SYMPK: variants seen among roughly 807,000 people sequenced by gnomAD.
SYMPK encodes symplekin scaffold protein.
A neutral mutation model predicts 136.4 loss-of-function variants in SYMPK; 49 were observed. The observed-to-expected ratio is 0.36, with a 90% confidence interval of 0.29 to 0.46. The LOEUF (loss-of-function observed/expected upper bound fraction) is 0.46. SYMPK is among the 20% of genes least tolerant of loss of function. The pLI is 1.00. For synonymous variants in SYMPK, 766 were observed against 713.0 expected, an observed-to-expected ratio of 1.07 and a Z score of -1.19; for missense variants, 1,365 against 1,690.0, an observed-to-expected ratio of 0.81 and a Z score of 3.37.
intron 18 of SYMPK, among the ~76,000 whole-genome samples, chr19:45,824,723 A>C (rs8109700): frequency 0.86 from 130,443 of 152,158 alleles, 55,999 homozygotes; most frequent in East Asian, 0.9. Flanking sequence ...ATGTGGGCAG[A>C]CCTGTGCCTC....
In SYMPK at chr19:45,815,628, C is replaced by T; in HGVS notation, c.3757G>A (p.Asp1253Asn). ...SPQTLAPVGEDAMKTPSPAAE... is the reference protein window; with the variant it reads ...SPQTLAPVGENAMKTPSPAAE... The stretch of plus-strand genomic sequence containing the variant: ...GCCGGGCTGGGAGTCTTCATAGCAT[C>T]TTCTCCAACAGGTGCGAGGGTCTGG... The change falls in exon 27 of 27, where the codon GAT (aspartate) becomes AAT (asparagine). Residue 1253 changes from aspartate to asparagine, a missense_variant. Asp to Asn is a conservative substitution (Grantham distance 23, BLOSUM62 1). This residue lies in a region of SYMPK where 341 missense variants were observed against 270.5 expected (regional missense o/e 1.26). Coordinates refer to ENST00000245934, the MANE Select transcript of SYMPK (RefSeq NM_004819.3). 4 of 1,608,178 alleles carry T rather than the reference C, an allele frequency of 2.5e-6. No homozygotes were observed. The highest frequency in any genetic ancestry group is 3.4e-6 in the Non-Finnish European group (4 of 1,177,976).
chr19:45,858,579 G>C (rs1971888102), intron 1 of SYMPK, among the ~76,000 whole-genome samples: 5 of 151,856 alleles, frequency 3.3e-5, no homozygotes, highest in Admixed American at 3.3e-4. Context: ...GCAATGGCGT[G>C]ATCTCAGCTC....
chr19:45,860,600 G>A (rs965855459), intron 1 of SYMPK, among the ~76,000 whole-genome samples: 2 of 152,004 alleles, frequency 1.3e-5, no homozygotes, highest in African/African-American at 4.8e-5. Flanking sequence ...AGGTTTAAAT[G>A]AATTAATATG....
In SYMPK at chr19:45,863,134, A is replaced by G. The variant is rs1972016439; in HGVS notation, c.-89T>C. 3 of 405,822 alleles carry G rather than the reference A, an allele frequency of 7.4e-6. No homozygotes were observed. Among genetic ancestry groups the G allele is most frequent in the East Asian group, 7.1e-5 (2 of 28,276 alleles). The allele number at this position is 405,822 out of a possible 1,614,324, so 25.1% of individuals were successfully genotyped here. A position where few individuals can be genotyped will look rare whatever the true frequency, so the allele number is the denominator to read the frequency against. ...ACACTCCGCCGCCGCCGCCGCCGCC[A>G]TCTTCCGTTCGTCGCCGGGAACGGT... On this transcript the variant is annotated 5_prime_UTR_variant, in exon 1 of 27. The change abolishes an upstream ATG in the 5' untranslated region. Transcript: ENST00000245934.
rs200480558 is a variant in SYMPK at position 45,825,133 on chromosome 19, C to T, written c.2490+38G>A. The T allele has an allele frequency of 2.1e-5, 34 of 1,596,336 alleles. No individual in the cohort carries two copies. The Admixed American group carries it at 2.7e-4, about 13-fold the overall frequency. ...CTGGAGCTGGGGACACAGCCTTGCC[C>T]GTGGGTGGGCAGGGCCTGGTGGGCT... On this transcript the variant is annotated intron_variant, in intron 18 of 26. Transcript: ENST00000245934.
chr19:45,821,331 C>T lies in SYMPK; in HGVS notation c.2893+53G>A. ...TGGGGGCATGTGGGTGACTGAGGTC[C>T]TGCCCTGGCGTCGCAGGGGCCAGGC... On this transcript the variant is annotated intron_variant, in intron 22 of 26. Coordinates refer to ENST00000245934, the MANE Select transcript of SYMPK (RefSeq NM_004819.3). This position sits in a 1 kb window ranked among gnomAD's most constrained non-coding sequence, Gnocchi z 4.4. 7.3e-7 allele frequency: 1 copy of T among 1,365,070 alleles called. No homozygotes were observed. 84.6% of individuals were successfully genotyped at this position (1,365,070 alleles called of 1,614,324 possible).
chr19:45,828,669 G>C (rs1971101544), intron 14 of SYMPK: 1 of 457,038 alleles, frequency 2.2e-6, no homozygotes, highest in African/African-American at 2.0e-5. Flanking sequence ...CCATGGGTGA[G>C]CACTGTTATT....
At chr19:45,831,639 C>T in intron 11 of SYMPK, 51 bp from the exon 12 acceptor site, 1 of 1,472,058 alleles carries the variant, frequency 6.8e-7, no homozygotes, top group Non-Finnish European at 9.2e-7. Flanking sequence ...CCACCTGCTC[C>T]AACCCGAGGA....
At chr19:45,860,627 T>C (rs1168306887) in intron 1 of SYMPK, among the ~76,000 whole-genome samples, 2 of 152,314 alleles carry the variant, frequency 1.3e-5, no homozygotes, top group African/African-American at 4.8e-5. Flanking sequence ...TTAGAATTAA[T>C]ATACATGAGT....
chr19:45,831,987 G>A (rs893805364), intron 11 of SYMPK, among the ~76,000 whole-genome samples: 4 of 151,926 alleles, frequency 2.6e-5, no homozygotes, highest in South Asian at 2.1e-4. Flanking sequence ...GACTACAGGC[G>A]CATGCCAACA....
chr19:45,854,344 G>C (rs750458955), intron 2 of SYMPK, 47 bp downstream of exon 2: 2 of 1,608,928 alleles, frequency 1.2e-6, no homozygotes, highest in East Asian at 4.5e-5. Context: ...GATTGCCAAA[G>C]CCAGGGGCTA....
chr19:45,846,800 CT>C (rs35159561), intron 7 of SYMPK, among the ~76,000 whole-genome samples: 189 of 144,214 alleles, frequency 1.3e-3, no homozygotes, highest in Admixed American at 2.5e-3. Context: ...ATATATAGTA[CT>C]TTTTTTTTTT....
chr19:45,841,547 C>T (rs1971436589), intron 9 of SYMPK, among the ~76,000 whole-genome samples: 15 of 152,152 alleles, frequency 9.9e-5, no homozygotes, highest in Admixed American at 9.8e-4. Context: ...CATGCCTTGG[C>T]CTCCCAAAGT....
chr19:45,848,296 G>A (rs191387537), intron 6 of SYMPK, among the ~76,000 whole-genome samples: 1 of 152,304 alleles, frequency 6.6e-6, no homozygotes, highest in African/African-American at 2.4e-5. Context: ...TTCACAAGGT[G>A]GTGGTGATTA....
At chr19:45,825,677 CG>C (rs1350818624) in intron 17 of SYMPK, among the ~76,000 whole-genome samples, 1 of 152,220 alleles carries the variant, frequency 6.6e-6, no homozygotes, top group African/African-American at 2.4e-5. Context: ...GGGGTGGCCC[CG>C]GCCCGCTGCT....
intron 8 of SYMPK, 77 bp from the exon 9 acceptor site, chr19:45,842,566 A>C: frequency 6.4e-7 from 1 of 1,565,586 alleles, no homozygotes; most frequent in Non-Finnish European, 8.7e-7. Flanking sequence ...TCAACCCCAA[A>C]CTTGGGCAGT....
At chr19:45,847,463 G>A (rs867973422) in intron 7 of SYMPK, among the ~76,000 whole-genome samples, 12 of 151,416 alleles carry the variant, frequency 7.9e-5, no homozygotes, top group East Asian at 1.9e-4. Flanking sequence ...AGCTAGCATC[G>A]ACTGGCTCAC....
At chr19:45,833,967 C>T (rs966486144) in intron 11 of SYMPK, among the ~76,000 whole-genome samples, 12 of 152,066 alleles carry the variant, frequency 7.9e-5, no homozygotes, top group Non-Finnish European at 1.8e-4. Flanking sequence ...CTTGCTAACA[C>T]GGTGAAACCC....
chr19:45,827,032 C>T (rs1267244383), intron 16 of SYMPK, among the ~76,000 whole-genome samples: 1 of 152,194 alleles, frequency 6.6e-6, no homozygotes, highest in Non-Finnish European at 1.5e-5. Flanking sequence ...CCTCCCCTGC[C>T]CACCCCACAA....
Sources: allele counts gnomAD v4.1 joint callset (sites outside exome capture counted in the v4.1 genomes callset), GRCh38; gene constraint gnomAD v4.1.1; regional missense constraint gnomAD v4.1.1; non-coding constraint Gnocchi (gnomAD v3.1); transcripts MANE v1.5; gene names NCBI Gene and HGNC (gene_info 2026-07-23, HGNC 2026-07-21).